The following BGN variants were observed in gnomAD, a reference collection of about 807,000 sequenced individuals.
BGN encodes bone/cartilage proteoglycan-I.
BGN carries 6 observed loss-of-function variants against 20.0 expected under a neutral mutation model. The observed-to-expected ratio is 0.30, with a 90% CI of 0.16 to 0.59. The LOEUF (loss-of-function observed/expected upper bound fraction) is 0.59, where lower values mean the gene tolerates loss of function less well. Among genes scored for constraint, BGN ranks in the 20% least tolerant of loss-of-function variants. The pLI is 0.88. For synonymous variants in BGN, 146 were observed against 134.6 expected (o/e 1.08, Z -0.59); for missense variants, 292 against 312.1 (o/e 0.94, Z 0.49).
chrX:153,505,092 C>T, intron 2 of BGN, 146 bp from the exon 3 acceptor site: 1 of 576,348 alleles, frequency 1.7e-6, no homozygotes, highest in Non-Finnish European at 2.8e-6. Context: ...CCCCGGTCCT[C>T]CCTACCAGTG....
At chrX:153,497,650 A>G (rs2124214886) in intron 1 of BGN, among the ~76,000 whole-genome samples, 1 of 111,104 alleles carries the variant, frequency 9.0e-6, no homozygotes, top group East Asian at 2.8e-4. Context: ...TCCAGGACCC[A>G]TGGCCAGGCC....
At chrX:153,507,687 C>T (rs1332774354) in intron 7 of BGN, among the ~76,000 whole-genome samples, 5 of 113,580 alleles carry the variant, frequency 4.4e-5, no homozygotes, top group African/African-American at 9.6e-5. Flanking sequence ...ACCGCGCAGG[C>T]CATGCCCATG....
intron 1 of BGN, among the ~76,000 whole-genome samples, chrX:153,499,790 G>C (rs1556991435): frequency 8.9e-6 from 1 of 112,986 alleles, no homozygotes; most frequent in Non-Finnish European, 1.9e-5. Flanking sequence ...GGGCCTGGGA[G>C]AGTGGCAGGG....
At chrX:153,498,945 G>A in intron 1 of BGN, among the ~76,000 whole-genome samples, 1 of 111,962 alleles carries the variant, frequency 8.9e-6, no homozygotes, top group East Asian at 2.8e-4. Context: ...AAGCGTGTCA[G>A]CTTTGGGGCC....
chrX:153,508,436 C>T lies in BGN; in HGVS notation c.1098C>T (p.Tyr366=), dbSNP rs1569532465. The change falls in exon 8 of 8, where the codon TAC becomes TAT. Residue 366 remains tyrosine, a synonymous_variant. Coordinates refer to ENST00000331595, the MANE Select transcript of BGN (RefSeq NM_001711.6). The part of the protein sequence containing the change: ...TDRLAIQFGN[Y]KK ...GCCTGGCCATCCAGTTTGGCAACTA[C>T]AAAAAGTAGAGGCAGCTGCAGCCAC... is the stretch of plus-strand genomic sequence containing the variant. 8.3e-7 allele frequency: 1 copy of T among 1,211,393 alleles called. No individual in the cohort carries two copies. Among genetic ancestry groups the T allele is most frequent in the Non-Finnish European group, 1.1e-6 (1 of 895,214 alleles).
chrX:153,501,964 A>G (rs1412058345), intron 1 of BGN, among the ~76,000 whole-genome samples: 1 of 111,713 alleles, frequency 9.0e-6, no homozygotes, highest in African/African-American at 3.3e-5. Context: ...GGTCCCGGGA[A>G]CCCGCCTGAG....
chrX:153,505,847 G>A lies in BGN; in HGVS notation c.352-16G>A, dbSNP rs375653428. Reference sequence around the variant, plus strand: ...GGGAGTCTGTGCCTTCACCTCCTCCGCCCACCCTGCTTCAGGCCCTCGTCC... The same window carrying A: ...GGGAGTCTGTGCCTTCACCTCCTCCACCCACCCTGCTTCAGGCCCTCGTCC... On this transcript the variant is annotated splice_polypyrimidine_tract_variant and intron_variant, in intron 3 of 7. Transcript: ENST00000331595. The A allele has an allele frequency of 1.1e-5, 13 of 1,202,695 alleles. No homozygotes were observed. Among genetic ancestry groups the A allele is most frequent in the Admixed American group, 8.7e-5 (4 of 45,911 alleles).
At chrX:153,506,251 G>A (rs1303426379) in intron 4 of BGN, among the ~76,000 whole-genome samples, 175 bp downstream of exon 4, 2 of 112,245 alleles carry the variant, frequency 1.8e-5, no homozygotes, top group East Asian at 2.8e-4. Flanking sequence ...CGGCTAAAGA[G>A]AAGACTGGGC....
At chrX:153,502,116 C>T (rs2089764854) in intron 1 of BGN, among the ~76,000 whole-genome samples, 1 of 112,651 alleles carries the variant, frequency 8.9e-6, no homozygotes, top group African/African-American at 3.2e-5. Context: ...GCAGGAGTCC[C>T]TGTAGAGTCC....
intron 3 of BGN, 81 bp downstream of exon 3, chrX:153,505,431 A>G (rs782585168): frequency 1.2e-6 from 1 of 846,887 alleles, no homozygotes; most frequent in South Asian, 2.5e-5. Context: ...CGTGTGGGGT[A>G]TGAGAGGGGT....
At chrX:153,501,366 C>T (rs73633608) in intron 1 of BGN, among the ~76,000 whole-genome samples, 4,472 of 112,806 alleles carry the variant, frequency 0.04, 221 homozygotes, top group African/African-American at 0.14. Flanking sequence ...CAGGCTCTCA[C>T]AGGCCCAGAG....
Position 153,504,646 on chromosome X carries a change from G to A in BGN, c.15G>A (p.Trp5Ter). Residue 5 changes from tryptophan (W) to a stop codon, truncating the protein, a stop_gained, in exon 2 of 8, where the codon TGG becomes TGA. Coordinates refer to ENST00000331595, the MANE Select transcript of BGN (RefSeq NM_001711.6). LOFTEE classifies it high-confidence loss of function. MWPL[W>*]RLVSLLALSQ... ...GTCCATCCGCCATGTGGCCCCTGTG[G>A]CGCCTCGTGTCTCTGCTGGCCCTGA... 8.3e-7 allele frequency: 1 copy of A among 1,206,393 alleles called. No homozygotes were observed.
chrX:153,504,768 C>T lies in BGN; in HGVS notation c.137C>T (p.Thr46Ile). 4.1e-6 allele frequency: 5 copies of T among 1,211,621 alleles called. No individual in the cohort carries two copies. The highest frequency in any genetic ancestry group is 5.6e-6 in the Non-Finnish European group (5 of 895,522). The part of the protein sequence containing the change: ...MNDEEASGAD[T>I]SGVLDPDSVT... ...GATGAGGAAGCTTCGGGCGCTGACA[C>T]CTCGGGCGTCCTGGACCCGGACTCT... is the stretch of plus-strand genomic sequence containing the variant. Residue 46 changes from threonine (T) to isoleucine (I), a missense_variant, in exon 2 of 8, where the codon ACC becomes ATC. Thr to Ile is a moderately conservative substitution (Grantham distance 89). Transcript: ENST00000331595.
In BGN at chrX:153,507,091, G is replaced by T; in HGVS notation, c.815G>T (p.Ser272Ile). The change falls in exon 7 of 8, where the codon AGC (serine) becomes ATC (isoleucine). Residue 272 changes from serine to isoleucine, a missense_variant. Coordinates refer to ENST00000331595, the MANE Select transcript of BGN (RefSeq NM_001711.6). ...HNQIRMIENG[S>I]LSFLPTLREL... ...CAGATCAGGATGATCGAGAACGGGA[G>T]CCTGAGCTTCCTGCCCACCCTCCGG... 8.3e-7 allele frequency: 1 copy of T among 1,207,468 alleles called. No individual in the cohort carries two copies. Among genetic ancestry groups the T allele is most frequent in the East Asian group, 3.0e-5 (1 of 33,631 alleles).
At chrX:153,496,412 A>G (rs1277594233) in intron 1 of BGN, among the ~76,000 whole-genome samples, 1 of 113,098 alleles carries the variant, frequency 8.8e-6, no homozygotes, top group Non-Finnish European at 1.9e-5. Context: ...GTGTATGAGC[A>G]TGGATGTCTT....
At position 153,505,452 on chromosome X, in the gene BGN, G is replaced by T. The variant is rs1416078879; in HGVS notation, c.351+102G>T. The T allele has an allele frequency of 1.1e-5, 8 of 707,778 alleles. No homozygotes were observed. In the Admixed American group the frequency reaches 2.4e-4, roughly 21 times the overall value. The allele number at this position is 707,778 out of a possible 1,213,427, so 58.3% of individuals were successfully genotyped here. A position where few individuals can be genotyped will look rare whatever the true frequency, so the allele number is the denominator to read the frequency against. ...GGGTATGAGAGGGGTTCGGGGACTC[G>T]TGGGGCTTCAGGGTGAAGCCTGGAG... On this transcript the variant is annotated intron_variant, in intron 3 of 7. Coordinates refer to ENST00000331595, the MANE Select transcript of BGN (RefSeq NM_001711.6).
At chrX:153,505,552 C>T (rs1427998937) in intron 3 of BGN, among the ~76,000 whole-genome samples, 1 of 112,074 alleles carries the variant, frequency 8.9e-6, no homozygotes, top group Admixed American at 9.4e-5. Context: ...AGGACCGGAT[C>T]GCTCAGTTCG....
chrX:153,500,926 T>C (rs1474492803), intron 1 of BGN, among the ~76,000 whole-genome samples: 2 of 111,762 alleles, frequency 1.8e-5, no homozygotes, highest in African/African-American at 6.5e-5. Context: ...TATATGTGTA[T>C]CATATGTGTA....
In BGN at chrX:153,508,438, A is replaced by T. The variant is rs1556993795; in HGVS notation, c.1100A>T (p.Lys367Ile). 2 of 1,211,077 alleles carry T rather than the reference A, an allele frequency of 1.7e-6. No homozygotes were observed. Among genetic ancestry groups the T allele is most frequent in the Admixed American group, 4.3e-5 (2 of 46,107 alleles). ...DRLAIQFGNY[K>I]K ...CTGGCCATCCAGTTTGGCAACTACA[A>T]AAAGTAGAGGCAGCTGCAGCCACCG... Residue 367 changes from lysine (K) to isoleucine (I), a missense_variant, in exon 8 of 8, where the codon AAA (lysine) becomes ATA (isoleucine). Physicochemically the swap from Lys to Ile is moderately radical, Grantham distance 102. Transcript: ENST00000331595.
Sources: gnomAD v4.1 joint callset for allele counts (sites outside exome capture counted in the v4.1 genomes callset) on GRCh38, gnomAD v4.1.1 for gene constraint, MANE v1.5 for transcripts, NCBI Gene and HGNC (gene_info 2026-07-23, HGNC 2026-07-21) for gene names.